Variants in TLE3 observed in about 807,000 individuals in gnomAD.
TLE3 encodes transducin-like enhancer protein 3.
A neutral mutation model predicts 93.0 loss-of-function variants in TLE3; 14 were observed. That is an observed-to-expected ratio of 0.15 (90% CI 0.10 to 0.24). TLE3 has a LOEUF of 0.24. Among genes scored for constraint, TLE3 ranks in the 10% least tolerant of loss-of-function variants. TLE3 has a pLI of 1.00. For synonymous variants in TLE3, 451 were observed against 425.0 expected (o/e 1.06, Z -0.75); for missense variants, 693 against 1,046.6 (o/e 0.66, Z 4.66).
chr15:70,083,746 A>C (rs899391415), intron 4 of TLE3, among the ~76,000 whole-genome samples: 2 of 151,942 alleles, frequency 1.3e-5, no homozygotes, highest in Non-Finnish European at 2.9e-5. Flanking sequence ...TTGCAGAGAC[A>C]GCTCATTAAA....
intron 17 of TLE3, 198 bp downstream of exon 17, chr15:70,053,029 G>A (rs1251449947): frequency 6.4e-6 from 4 of 620,830 alleles, no homozygotes; most frequent in Non-Finnish European, 1.1e-5. Context: ...TGGGCCAAAT[G>A]TGTCCAACCC....
chr15:70,092,369 G>A (rs2058349474), intron 4 of TLE3, among the ~76,000 whole-genome samples: 1 of 152,178 alleles, frequency 6.6e-6, no homozygotes, highest in Non-Finnish European at 1.5e-5. Flanking sequence ...CCATAAGCTT[G>A]CAAAGCCACT....
chr15:70,055,003 C>A (rs373069910), intron 15 of TLE3, 46 bp downstream of exon 15: 19 of 1,546,082 alleles, frequency 1.2e-5, no homozygotes, highest in Non-Finnish European at 1.6e-5. Context: ...GCTGCCCCAT[C>A]CTCCTACACC....
In TLE3 at chr15:70,058,613, C is replaced by T. The variant is rs1274522921; in HGVS notation, c.918+50G>A. ...CCTGCCAATCGGCACCACCCCAGCT[C>T]CAGTCCCTGCCGCTCCCTTCCCACT... On this transcript the variant is annotated intron_variant, in intron 11 of 19. Coordinates refer to ENST00000451782, the MANE Select transcript of TLE3 (RefSeq NM_001105192.3). This position sits in a 1 kb window ranked among gnomAD's most constrained non-coding sequence, Gnocchi z 4.1. 6.5e-7 allele frequency: 1 copy of T among 1,529,674 alleles called. No individual in the cohort carries two copies. The highest frequency in any genetic ancestry group is 1.2e-5 in the South Asian group (1 of 80,324). The allele number at this position is 1,529,674 out of a possible 1,614,324, so 94.8% of individuals were successfully genotyped here. A position where few individuals can be genotyped will look rare whatever the true frequency, so the allele number is the denominator to read the frequency against.
At position 70,095,746 on chromosome 15, in the gene TLE3, C is replaced by A. The variant is rs1015921527; in HGVS notation, c.126-105G>T. On this transcript the variant is annotated intron_variant, in intron 2 of 19. Transcript: ENST00000451782. ...CCACTTTTCCACTTTCCTGACACCC[C>A]CCCGGGGGCGCCCCCATTATCCCAC... 8.7e-6 allele frequency: 12 copies of A among 1,381,772 alleles called. No homozygotes were observed. The African/African-American group carries it at 1.8e-4, about 20-fold the overall frequency. 85.6% of individuals were successfully genotyped at this position (1,381,772 alleles called of 1,614,324 possible).
chr15:70,064,607 A>T, intron 7 of TLE3, 137 bp from the exon 8 acceptor site: 1 of 1,219,942 alleles, frequency 8.2e-7, no homozygotes, highest in East Asian at 2.6e-5. Flanking sequence ...AATGAGCAGA[A>T]GGCCTGGATT....
chr15:70,094,486 A>C lies in TLE3; in HGVS notation c.234+46T>G, dbSNP rs919752999. ...AGAACATAAGAAGTCCACATATATA[A>C]GTTTTTAAAAAATGAAATATATTTT... On this transcript the variant is annotated intron_variant, in intron 4 of 19. Coordinates refer to ENST00000451782, the MANE Select transcript of TLE3 (RefSeq NM_001105192.3). 7.7e-6 allele frequency: 11 copies of C among 1,421,338 alleles called. No homozygotes were observed. In the Admixed American group the frequency reaches 1.4e-4, roughly 19 times the overall value. 88.0% of individuals were successfully genotyped at this position (1,421,338 alleles called of 1,614,324 possible). A position where few individuals can be genotyped will look rare whatever the true frequency, so the allele number is the denominator to read the frequency against.
intron 6 of TLE3, among the ~76,000 whole-genome samples, chr15:70,072,329 G>C (rs2057227394): frequency 6.6e-6 from 1 of 152,198 alleles, no homozygotes; most frequent in South Asian, 2.1e-4. Flanking sequence ...ATTCCAAAGA[G>C]GGGGGCAGAG....
intron 3 of TLE3, chr15:70,095,361 T>C (rs1262484432): frequency 7.0e-7 from 1 of 1,434,068 alleles, no homozygotes; most frequent in Non-Finnish European, 9.1e-7. Context: ...GGAATCGGGG[T>C]TTCTCTTTCT....
rs1178146977 is a variant in TLE3, at chr15:70,048,823, ACCC to A, written c.*1271_*1273del. ...GCCAGGATCTGTGTCCCCCTCTCCC[ACCC>A]CCCAACCCCCACTGCTCTGCCCAGG... On this transcript the variant is annotated 3_prime_UTR_variant, in exon 20 of 20. Transcript: ENST00000451782. 6.6e-6 allele frequency: 1 copy of A among 150,778 alleles called. No homozygotes were observed. The highest frequency in any genetic ancestry group is 2.1e-4 in the South Asian group (1 of 4,764). The allele number at this position is 150,778 out of a possible 1,614,324, so 9.3% of individuals were successfully genotyped here.
chr15:70,070,894 G>C (rs1389964265), intron 6 of TLE3, among the ~76,000 whole-genome samples: 1 of 152,090 alleles, frequency 6.6e-6, no homozygotes, highest in African/African-American at 2.4e-5. Context: ...TGTATTTTGT[G>C]ACAAGCTACA....
intron 1 of TLE3, 71 bp downstream of exon 1, chr15:70,096,704 G>A (rs1345654902): frequency 6.3e-6 from 10 of 1,591,042 alleles, no homozygotes; most frequent in Middle Eastern, 1.6e-4. Flanking sequence ...GCAAAATGGA[G>A]GTGCCAGATA....
intron 5 of TLE3, 51 bp from the exon 6 acceptor site, chr15:70,074,658 A>G: frequency 2.0e-6 from 3 of 1,520,742 alleles, no homozygotes; most frequent in Non-Finnish European, 2.7e-6. Context: ...TGGACAGAGG[A>G]GGTCACAGGC....
intron 4 of TLE3, among the ~76,000 whole-genome samples, chr15:70,084,556 G>A (rs1209588861): frequency 6.6e-6 from 1 of 152,236 alleles, no homozygotes; most frequent in South Asian, 2.1e-4. Flanking sequence ...CATGTGGGAA[G>A]ACCACAGAAG....
chr15:70,063,886 C>T (rs1478897106), intron 8 of TLE3, among the ~76,000 whole-genome samples: 1 of 152,112 alleles, frequency 6.6e-6, no homozygotes, highest in African/African-American at 2.4e-5. Flanking sequence ...AAACTGCAGG[C>T]GTTTGAAGGG....
intron 4 of TLE3, among the ~76,000 whole-genome samples, chr15:70,092,062 T>C (rs2058335996): frequency 7.3e-6 from 1 of 137,920 alleles, no homozygotes; most frequent in Admixed American, 7.9e-5. Flanking sequence ...GGCAGGACAC[T>C]GCATGAATAA....
intron 4 of TLE3, among the ~76,000 whole-genome samples, chr15:70,076,532 G>A (rs576774988): frequency 6.6e-6 from 1 of 152,240 alleles, no homozygotes; most frequent in South Asian, 2.1e-4. Flanking sequence ...ACAGTTTAGT[G>A]AGAGAGGAAT....
intron 4 of TLE3, among the ~76,000 whole-genome samples, chr15:70,085,218 C>A (rs911167908): frequency 4.6e-5 from 7 of 152,214 alleles, no homozygotes; most frequent in South Asian, 2.1e-4. Context: ...ACAGTCTGCT[C>A]AAAGTCACAC....
intron 17 of TLE3, chr15:70,052,970 GA>G: frequency 2.2e-6 from 1 of 457,094 alleles, no homozygotes; most frequent in East Asian, 3.6e-5. Context: ...TGAGGACGCC[GA>G]GGACAAAGTG....
Sources: allele counts gnomAD v4.1 joint callset (sites outside exome capture counted in the v4.1 genomes callset), GRCh38; gene constraint gnomAD v4.1.1; non-coding constraint Gnocchi (gnomAD v3.1); transcripts MANE v1.5; gene names NCBI Gene and HGNC (gene_info 2026-07-23, HGNC 2026-07-21).